Variants in SF3B1 observed in about 807,000 individuals in gnomAD.
SF3B1 encodes pre-mRNA processing 10.
A neutral mutation model predicts 153.8 loss-of-function variants in SF3B1; 12 were observed. That is an observed-to-expected ratio of 0.08 (90% CI 0.05 to 0.13). The LOEUF is 0.13. Ranked by LOEUF, SF3B1 falls within the 10% of genes least tolerant of loss-of-function variation. The pLI is 1.00. For synonymous variants in SF3B1, 498 were observed against 525.2 expected (o/e 0.95, Z 0.71); for missense variants, 513 against 1,606.1 (o/e 0.32, Z 11.63).
chr2:197,414,122 T>C (rs1166003156), intron 6 of SF3B1, among the ~76,000 whole-genome samples: 1 of 152,176 alleles, frequency 6.6e-6, no homozygotes, highest in East Asian at 1.9e-4. Flanking sequence ...ATGTTTTGCT[T>C]GAGCCAAACA....
chr2:197,422,503 T>C (rs2085261309), intron 2 of SF3B1, among the ~76,000 whole-genome samples: 1 of 151,976 alleles, frequency 6.6e-6, no homozygotes, highest in Admixed American at 6.6e-5. Context: ...CATGTATACA[T>C]ACGTAACCTG....
rs13012433 is a variant in SF3B1, at chr2:197,409,843, C to T, written c.831G>A (p.Ala277=). Residue 277 remains alanine, a synonymous_variant, in exon 7 of 25, where the codon GCG becomes GCA. Transcript: ENST00000335508. The part of the protein sequence containing the change: ...TPGRGDTPGH[A]TPGHGGATSS... ...AAGTTGCGCCTCCATGGCCTGGTGT[C>T]GCATGGCCTGGTGTATCACCTCGTC... The T allele has an allele frequency of 5.8e-4, 936 of 1,614,102 alleles. No homozygotes were observed. Among genetic ancestry groups the T allele is most frequent in the Non-Finnish European group, 7.3e-4 (867 of 1,179,980 alleles).
intron 5 of SF3B1, 131 bp downstream of exon 5, chr2:197,418,378 C>G (rs1054096539): frequency 5.2e-6 from 3 of 580,124 alleles, no homozygotes; most frequent in Non-Finnish European, 5.6e-6. Flanking sequence ...GGGTAAGATT[C>G]TTTCTCAGTT....
In SF3B1 at chr2:197,401,014, C is replaced by T. The variant is rs190671158; in HGVS notation, c.2497-78G>A. ...AAAGCAACATCATGAAAACCAAATA[C>T]TCTAAATATACTACTTATTTAGCTA... On this transcript the variant is annotated intron_variant, in intron 17 of 24. Coordinates refer to ENST00000335508, the MANE Select transcript of SF3B1 (RefSeq NM_012433.4). The surrounding 1 kb of genome is among the most constrained non-coding windows in gnomAD (Gnocchi z 4.2). 5.4e-4 allele frequency: 428 copies of T among 799,740 alleles called. 1 individual carries two copies. In the African/African-American group the frequency reaches 6.2e-3, roughly 12 times the overall value. The allele number at this position is 799,740 out of a possible 1,614,324, so 49.5% of individuals were successfully genotyped here.
chr2:197,424,540 T>C (rs2085301592), intron 1 of SF3B1, among the ~76,000 whole-genome samples: 1 of 149,878 alleles, frequency 6.7e-6, no homozygotes, highest in Non-Finnish European at 1.5e-5. Context: ...AACAAACATA[T>C]AACCTAGCTT....
At chr2:197,408,270 T>C (rs1161359870) in intron 8 of SF3B1, 99 bp downstream of exon 8, 2 of 1,311,726 alleles carry the variant, frequency 1.5e-6, no homozygotes, top group Non-Finnish European at 2.1e-6. Context: ...TCCTTATTCT[T>C]ACTAGAAGTT....
chr2:197,433,035 C>A (rs547833196), intron 1 of SF3B1, among the ~76,000 whole-genome samples: 1 of 152,186 alleles, frequency 6.6e-6, no homozygotes, highest in East Asian at 1.9e-4. Context: ...AGCAGCACTG[C>A]CCCAAAAAGC....
rs1479414927 is a variant in SF3B1 at position 197,390,477 on chromosome 2, A to C, written c.*1826T>G. On this transcript the variant is annotated 3_prime_UTR_variant, in exon 25 of 25. Coordinates refer to ENST00000335508, the MANE Select transcript of SF3B1 (RefSeq NM_012433.4). ...TACCGCTGAAAACTTCTAACAACAG[A>C]AAGATGAGTTTGGAGTGTTTAATTT... The C allele has an allele frequency of 6.6e-6, 1 of 152,246 alleles. No homozygotes were observed. The highest frequency in any genetic ancestry group is 1.5e-5 in the Non-Finnish European group (1 of 68,030). The allele number at this position is 152,246 out of a possible 1,614,324, so 9.4% of individuals were successfully genotyped here.
intron 9 of SF3B1, among the ~76,000 whole-genome samples, chr2:197,406,311 G>A (rs769874272): frequency 1.3e-5 from 2 of 151,776 alleles, no homozygotes; most frequent in African/African-American, 2.4e-5. Flanking sequence ...ACCTATACAC[G>A]TCTTCTCCAG....
chr2:197,397,488 A>G (rs903456264), intron 22 of SF3B1, among the ~76,000 whole-genome samples: 1 of 152,178 alleles, frequency 6.6e-6, no homozygotes, highest in African/African-American at 2.4e-5. Flanking sequence ...CCTTCCATCT[A>G]TTTTAATTAA....
rs1343288303 is a variant in SF3B1, at chr2:197,401,652, GT to G, written c.2370+89del. 1.2e-5 allele frequency: 18 copies of G among 1,482,460 alleles called. No individual in the cohort carries two copies. The Admixed American group carries it at 1.5e-4, about 12-fold the overall frequency. The allele number at this position is 1,482,460 out of a possible 1,614,324, so 91.8% of individuals were successfully genotyped here. ...TCAAACAGTATTCGTGTAACATACA[GT>G]TTTTTTTGTTGATTTTTAAAAACAC... On this transcript the variant is annotated intron_variant, in intron 16 of 24. Coordinates refer to ENST00000335508, the MANE Select transcript of SF3B1 (RefSeq NM_012433.4). This position sits in a 1 kb window ranked among gnomAD's most constrained non-coding sequence, Gnocchi z 4.2.
chr2:197,408,361 A>G lies in SF3B1; in HGVS notation c.1117+8T>C. On this transcript the variant is annotated splice_region_variant and intron_variant, in intron 8 of 24. Coordinates refer to ENST00000335508, the MANE Select transcript of SF3B1 (RefSeq NM_012433.4). ...AAAAAACAATTATGTCCAATGAGAC[A>G]GTTCTACCTGGAGTAGGGGTAGCCA... 6.2e-7 allele frequency: 1 copy of G among 1,612,560 alleles called. No homozygotes were observed. Among genetic ancestry groups the G allele is most frequent in the Non-Finnish European group, 8.5e-7 (1 of 1,178,630 alleles).
intron 20 of SF3B1, chr2:197,398,968 C>A: frequency 9.5e-7 from 1 of 1,056,882 alleles, no homozygotes; most frequent in South Asian, 1.3e-5. Context: ...GGCCCCCTTA[C>A]CCTTTAACTG....
intron 1 of SF3B1, among the ~76,000 whole-genome samples, chr2:197,429,913 T>C (rs1490684444): frequency 6.6e-6 from 1 of 152,154 alleles, no homozygotes; most frequent in Non-Finnish European, 1.5e-5. Context: ...CCCCCTAACA[T>C]CTTGATTGCA....
chr2:197,415,235 CAA>C (rs921214082), intron 6 of SF3B1, among the ~76,000 whole-genome samples: 18 of 150,400 alleles, frequency 1.2e-4, no homozygotes, highest in African/African-American at 3.9e-4. Context: ...GGTGCATAAG[CAA>C]AAGAGTAGCT....
At chr2:197,407,379 C>T (rs987997071) in intron 9 of SF3B1, among the ~76,000 whole-genome samples, 16 of 151,916 alleles carry the variant, frequency 1.1e-4, no homozygotes, top group South Asian at 8.3e-4. Flanking sequence ...CTGAGAGGGA[C>T]GGATCACTTG....
intron 12 of SF3B1, 120 bp downstream of exon 12, chr2:197,403,465 T>C: frequency 1.7e-6 from 1 of 577,708 alleles, no homozygotes; most frequent in Non-Finnish European, 2.9e-6. Flanking sequence ...ACTGTATTTG[T>C]ACATGTATGG....
At chr2:197,393,946 G>A (rs554815006) in intron 23 of SF3B1, among the ~76,000 whole-genome samples, 29 of 152,146 alleles carry the variant, frequency 1.9e-4, no homozygotes, top group African/African-American at 6.7e-4. Context: ...CGCTTTGGGA[G>A]GCCGAGGCAG....
intron 5 of SF3B1, among the ~76,000 whole-genome samples, 157 bp from the exon 6 acceptor site, chr2:197,417,068 T>C (rs562699104): frequency 4.4e-4 from 67 of 152,350 alleles, no homozygotes; most frequent in South Asian, 2.7e-3. Context: ...TTCCATAGTC[T>C]GTGCGTCTTT....
Sources: gnomAD v4.1 joint callset for allele counts (sites outside exome capture counted in the v4.1 genomes callset) on GRCh38, gnomAD v4.1.1 for gene constraint, Gnocchi (gnomAD v3.1) non-coding constraint, MANE v1.5 for transcripts, NCBI Gene and HGNC (gene_info 2026-07-23, HGNC 2026-07-21) for gene names.